The following CCDC102B variants were observed in gnomAD, a reference collection of about 807,000 sequenced individuals.
The protein encoded by CCDC102B is coiled-coil domain containing 102B, also known as coiled-coil domain-containing protein 102B.
CCDC102B carries 75 observed loss-of-function variants against 57.4 expected under a neutral mutation model. The ratio of observed to expected loss-of-function variants is 1.31; its 90% CI spans 1.08 to 1.58. CCDC102B has a LOEUF of 1.58. Ranked by LOEUF, CCDC102B falls within the 40% of genes most tolerant of loss-of-function variation. The probability of loss-of-function intolerance (pLI) is 0.00; values close to 1 mark genes in which losing one functional copy is unlikely to be tolerated. For missense variants in CCDC102B, 636 were observed against 582.6 expected, an observed-to-expected ratio of 1.09 and a Z score of -0.94; for synonymous variants, 206 against 201.9, an observed-to-expected ratio of 1.02 and a Z score of -0.17.
chr18:68,733,027 T>C (rs2032954937), intron 2 of CCDC102B, among the ~76,000 whole-genome samples: 1 of 152,126 alleles, frequency 6.6e-6, no homozygotes, highest in Non-Finnish European at 1.5e-5. Context: ...AAGGTTATGC[T>C]AAGGCTAGAG....
intron 4 of CCDC102B, among the ~76,000 whole-genome samples, chr18:68,857,048 AATATATAAATATATTTTT>A (rs1232124537): frequency 8.1e-6 from 1 of 124,184 alleles, no homozygotes; most frequent in Non-Finnish European, 1.6e-5. Context: ...TATAATATAT[AATATATAAATATATTTTT>A]ATATATTATA....
intron 6 of CCDC102B, among the ~76,000 whole-genome samples, chr18:68,901,406 T>C (rs2040448095): frequency 6.6e-6 from 1 of 152,106 alleles, no homozygotes; most frequent in African/African-American, 2.4e-5. Context: ...TAGAGCCAGA[T>C]TTGGTTCATA....
At chr18:68,926,603 G>C (rs201226282) in intron 6 of CCDC102B, among the ~76,000 whole-genome samples, 42 of 151,884 alleles carry the variant, frequency 2.8e-4, no homozygotes, top group Middle Eastern at 3.4e-3. Flanking sequence ...GTTATTTCAC[G>C]TATATTAAAA....
chr18:68,828,289 A>G (rs2036988890), intron 1 of CCDC102B, among the ~76,000 whole-genome samples: 1 of 136,176 alleles, frequency 7.3e-6, no homozygotes, highest in South Asian at 2.5e-4. Flanking sequence ...TTCAAGTGTC[A>G]TGTAACATTC....
chr18:69,009,427 C>T (rs1413308407), intron 6 of CCDC102B, among the ~76,000 whole-genome samples: 1 of 152,124 alleles, frequency 6.6e-6, no homozygotes, highest in Non-Finnish European at 1.5e-5. Context: ...CAATTTTCTA[C>T]AATATCTATA....
chr18:68,997,900 T>C (rs1188341230), intron 6 of CCDC102B, among the ~76,000 whole-genome samples: 1 of 152,122 alleles, frequency 6.6e-6, no homozygotes, highest in Non-Finnish European at 1.5e-5. Context: ...GCTCTTTGAA[T>C]GCTATTTTTT....
At chr18:68,944,016 C>T (rs1027171914) in intron 6 of CCDC102B, among the ~76,000 whole-genome samples, 3 of 152,102 alleles carry the variant, frequency 2.0e-5, no homozygotes, top group African/African-American at 4.8e-5. Context: ...GGACTCAAGG[C>T]TTTATGTTGT....
chr18:68,936,764 CACACAT>C (rs68084850), intron 6 of CCDC102B, among the ~76,000 whole-genome samples: 80,930 of 148,952 alleles, frequency 0.54, 25,926 homozygotes, highest in Non-Finnish European at 0.69. Context: ...TATATATATA[CACACAT>C]ACATACATAC....
intron 6 of CCDC102B, among the ~76,000 whole-genome samples, chr18:68,933,099 A>C (rs1303708345): frequency 7.3e-5 from 11 of 150,276 alleles, no homozygotes; most frequent in Middle Eastern, 3.5e-3. Context: ...ACTCCTCATA[A>C]AAAAAAAAAT....
intron 7 of CCDC102B, among the ~76,000 whole-genome samples, chr18:69,029,937 A>G (rs7226773): frequency 0.82 from 125,385 of 152,154 alleles, 53,869 homozygotes; most frequent in Non-Finnish European, 0.96. Context: ...CTATTTTATC[A>G]GCACTGAGTT....
chr18:68,898,128 C>T (rs118158049), intron 6 of CCDC102B, among the ~76,000 whole-genome samples: 1,791 of 151,968 alleles, frequency 0.012, 39 homozygotes, highest in East Asian at 0.081. Flanking sequence ...AATGTGGGTT[C>T]GTGTCAATGT....
In CCDC102B at chr18:68,836,810, T is replaced by C. The variant is rs1470675577; in HGVS notation, c.47T>C (p.Phe16Ser). Residue 16 changes from phenylalanine (F) to serine (S), a missense_variant, in exon 2 of 8, where the codon TTC becomes TCC. By Grantham distance (155) the Phe-to-Ser change is radical. Coordinates refer to ENST00000360242, the MANE Select transcript of CCDC102B (RefSeq NM_024781.3). ...IHRLIEETQIFQMQQSSIKSR... is the reference protein window; with the variant it reads ...IHRLIEETQISQMQQSSIKSR... The stretch of plus-strand genomic sequence containing the variant: ...CGATTAATTGAGGAAACACAGATCT[T>C]CCAGATGCAACAATCATCAATTAAG... 6.2e-7 allele frequency: 1 copy of C among 1,613,676 alleles called. No homozygotes were observed. Among genetic ancestry groups the C allele is most frequent in the African/African-American group, 1.3e-5 (1 of 74,880 alleles).
At chr18:69,002,125 AAAC>A (rs1438998232) in intron 6 of CCDC102B, among the ~76,000 whole-genome samples, 4 of 152,342 alleles carry the variant, frequency 2.6e-5, no homozygotes, top group South Asian at 2.1e-4. Context: ...GAAACAATTA[AAAC>A]AACAACACTG....
At chr18:69,013,491 A>G (rs1054463505) in intron 7 of CCDC102B, among the ~76,000 whole-genome samples, 3 of 152,220 alleles carry the variant, frequency 2.0e-5, no homozygotes, top group African/African-American at 7.2e-5. Context: ...ATATCCATGT[A>G]ACAAAATTAC....
At chr18:68,885,473 A>G (rs1779179522) in intron 5 of CCDC102B, among the ~76,000 whole-genome samples, 2 of 152,086 alleles carry the variant, frequency 1.3e-5, no homozygotes, top group South Asian at 4.1e-4. Flanking sequence ...CTGGAATACA[A>G]TAAACTGCCT....
intron 7 of CCDC102B, among the ~76,000 whole-genome samples, chr18:69,022,237 C>T (rs578112787): frequency 5.2e-4 from 72 of 137,180 alleles, no homozygotes; most frequent in Non-Finnish European, 6.9e-4. Context: ...CACACACACG[C>T]GTGCGTGTGC....
intron 2 of CCDC102B, among the ~76,000 whole-genome samples, chr18:68,780,715 T>C (rs144065071): frequency 6.6e-6 from 1 of 152,212 alleles, no homozygotes; most frequent in Non-Finnish European, 1.5e-5. Flanking sequence ...TTTTAACAAG[T>C]CTTTCCGTGT....
chr18:68,941,046 A>T (rs991896344), intron 6 of CCDC102B, among the ~76,000 whole-genome samples: 1 of 151,746 alleles, frequency 6.6e-6, no homozygotes, highest in South Asian at 2.1e-4. Context: ...ATTCTGAAAC[A>T]TAGGTAGAAG....
At chr18:68,854,640 A>AATCACCCTGAGGACAGAAACCATCTTT (rs1454759282) in intron 4 of CCDC102B, among the ~76,000 whole-genome samples, 4 of 152,112 alleles carry the variant, frequency 2.6e-5, no homozygotes, top group Non-Finnish European at 5.9e-5. Flanking sequence ...TATAGGGTGT[A>AATCACCCTGAGGACAGAAACCATCTTT]ATCACCCTGA....
Sources: allele counts gnomAD v4.1 joint callset (sites outside exome capture counted in the v4.1 genomes callset), GRCh38; gene constraint gnomAD v4.1.1; transcripts MANE v1.5; gene names NCBI Gene and HGNC (gene_info 2026-07-23, HGNC 2026-07-21).